The following DYTN variants were observed in gnomAD, a reference collection of about 807,000 sequenced individuals.
DYTN encodes dystrotelin.
A neutral mutation model predicts 69.6 loss-of-function variants in DYTN; 75 were observed. The ratio of observed to expected loss-of-function variants is 1.08; its 90% CI spans 0.89 to 1.31. DYTN has a LOEUF of 1.31. DYTN is among the 50% of genes most tolerant of loss of function. The pLI is 0.00. For synonymous variants in DYTN, 252 were observed against 249.1 expected, an observed-to-expected ratio of 1.01 and a Z score of -0.11; for missense variants, 726 against 688.4, an observed-to-expected ratio of 1.05 and a Z score of -0.61.
chr2:206,699,934 T>G, intron 6 of DYTN, 44 bp from the exon 7 acceptor site: 1 of 1,585,476 alleles, frequency 6.3e-7, no homozygotes, highest in Non-Finnish European at 8.6e-7. Flanking sequence ...AGGCACGACT[T>G]GATATTTTCA....
At chr2:206,684,793 T>C (rs1309544584) in intron 9 of DYTN, among the ~76,000 whole-genome samples, 1 of 152,206 alleles carries the variant, frequency 6.6e-6, no homozygotes, top group Non-Finnish European at 1.5e-5. Context: ...AAGTATAGCC[T>C]CTTTATTTTC....
chr2:206,690,603 C>A (rs62194552), intron 9 of DYTN, among the ~76,000 whole-genome samples: 2,281 of 152,266 alleles, frequency 0.015, 24 homozygotes, highest in Middle Eastern at 0.031. Context: ...ATGAGACTCA[C>A]TCGGAGTTCA....
intron 5 of DYTN, among the ~76,000 whole-genome samples, chr2:206,703,663 T>G (rs1400320031): frequency 2.6e-5 from 4 of 152,178 alleles, no homozygotes; most frequent in Non-Finnish European, 5.9e-5. Context: ...GTTTTTCCAA[T>G]CCATACTCCC....
intron 11 of DYTN, among the ~76,000 whole-genome samples, chr2:206,653,828 A>G (rs1030894304): frequency 2.6e-5 from 4 of 152,174 alleles, no homozygotes; most frequent in Non-Finnish European, 4.4e-5. Flanking sequence ...ACCGCATAAC[A>G]GTTTTCCCAG....
At chr2:206,671,305 A>G (rs1699627456) in intron 9 of DYTN, among the ~76,000 whole-genome samples, 1 of 152,222 alleles carries the variant, frequency 6.6e-6, no homozygotes, top group Non-Finnish European at 1.5e-5. Context: ...ATTGTTGCAC[A>G]GGAACAGCCT....
At chr2:206,659,619 C>A (rs1419590376) in intron 11 of DYTN, among the ~76,000 whole-genome samples, 3 of 151,290 alleles carry the variant, frequency 2.0e-5, no homozygotes, top group Non-Finnish European at 4.4e-5. Context: ...CTTTCCACAT[C>A]TTCATCCATG....
At chr2:206,711,987 G>T (rs140105105) in intron 1 of DYTN, among the ~76,000 whole-genome samples, 1 of 149,798 alleles carries the variant, frequency 6.7e-6, no homozygotes, top group South Asian at 2.1e-4. Flanking sequence ...TCCCCATTTA[G>T]TCATATTATC....
intron 1 of DYTN, among the ~76,000 whole-genome samples, chr2:206,714,155 C>T (rs1365921938): frequency 6.6e-6 from 1 of 152,202 alleles, no homozygotes; most frequent in East Asian, 1.9e-4. Context: ...TATTTTCACT[C>T]CTCTGGGAGA....
At chr2:206,653,460 T>C (rs10186535) in intron 11 of DYTN, among the ~76,000 whole-genome samples, 35,134 of 152,110 alleles carry the variant, frequency 0.23, 4,184 homozygotes, top group Admixed American at 0.28. Context: ...ACTTGTGAAA[T>C]TGGCAGTCCA....
At chr2:206,666,108 C>A in intron 9 of DYTN, 79 bp from the exon 10 acceptor site, 2 of 1,506,130 alleles carry the variant, frequency 1.3e-6, no homozygotes, top group Non-Finnish European at 1.8e-6. Context: ...AGATGTATTC[C>A]GGTCCTTTTT....
At chr2:206,664,625 G>A (rs1574587904) in intron 10 of DYTN, among the ~76,000 whole-genome samples, 1 of 152,168 alleles carries the variant, frequency 6.6e-6, no homozygotes, top group African/African-American at 2.4e-5. Context: ...TCCTGCCACT[G>A]TACTCCAGCC....
intron 6 of DYTN, 96 bp downstream of exon 6, chr2:206,700,049 T>C (rs1485637028): frequency 1.3e-6 from 2 of 1,565,848 alleles, no homozygotes; most frequent in Middle Eastern, 1.7e-4. Context: ...AGATGCTATG[T>C]GGAGTAATAA....
In DYTN at chr2:206,707,404, G is replaced by A. The variant is rs774580536; in HGVS notation, c.194C>T (p.Ala65Val). The A allele has an allele frequency of 1.2e-6, 2 of 1,613,378 alleles. No individual in the cohort carries two copies. Among genetic ancestry groups the A allele is most frequent in the South Asian group, 2.2e-5 (2 of 90,808 alleles). ...GGCCTTCTGAAACAGCTCTTGGAGT[G>A]CCTGAGAAAGTTGCTGCACAGAAAG... ...HSLSVQQLSQALQELFQKARE... is the reference protein window; with the variant it reads ...HSLSVQQLSQVLQELFQKARE... The change falls in exon 3 of 12, where the codon GCA (alanine) becomes GTA (valine). Residue 65 changes from alanine (A) to valine (V), a missense_variant. Coordinates refer to ENST00000452335, the MANE Select transcript of DYTN (RefSeq NM_001093730.1).
intron 9 of DYTN, among the ~76,000 whole-genome samples, chr2:206,685,101 G>A (rs1699790875): frequency 6.6e-6 from 1 of 152,124 alleles, no homozygotes; most frequent in South Asian, 2.1e-4. Flanking sequence ...GCACAGAAGG[G>A]CAACTATGAA....
chr2:206,698,916 C>A (rs776192068), intron 7 of DYTN, among the ~76,000 whole-genome samples: 3 of 152,198 alleles, frequency 2.0e-5, no homozygotes, highest in African/African-American at 7.2e-5. Context: ...GCAGGGACTC[C>A]GGATTTAGGA....
At chr2:206,680,243 T>C (rs1252520835) in intron 9 of DYTN, among the ~76,000 whole-genome samples, 1 of 152,088 alleles carries the variant, frequency 6.6e-6, no homozygotes, top group Non-Finnish European at 1.5e-5. Context: ...AACTGCCCTT[T>C]ATAAAACCAT....
At chr2:206,690,511 G>A (rs1274191389) in intron 9 of DYTN, among the ~76,000 whole-genome samples, 3 of 152,218 alleles carry the variant, frequency 2.0e-5, no homozygotes, top group Admixed American at 1.3e-4. Context: ...TGGGGAGACC[G>A]AGGAGGAAGC....
At chr2:206,708,339 G>A (rs1385634509) in intron 2 of DYTN, among the ~76,000 whole-genome samples, 4 of 152,134 alleles carry the variant, frequency 2.6e-5, no homozygotes, top group East Asian at 1.9e-4. Context: ...TATCAAGAGC[G>A]CCAAGAGCTC....
At chr2:206,696,300 C>A (rs530402687) in intron 7 of DYTN, among the ~76,000 whole-genome samples, 2 of 152,114 alleles carry the variant, frequency 1.3e-5, no homozygotes, top group African/African-American at 4.8e-5. Flanking sequence ...TGAATAACAG[C>A]GGGAAAACAC....
Sources: gnomAD v4.1 joint callset for allele counts (sites outside exome capture counted in the v4.1 genomes callset) on GRCh38, gnomAD v4.1.1 for gene constraint, MANE v1.5 for transcripts, NCBI Gene and HGNC (gene_info 2026-07-23, HGNC 2026-07-21) for gene names.